The following PITPNM2 variants were observed in gnomAD, a reference collection of about 807,000 sequenced individuals.
The protein encoded by PITPNM2 is membrane-associated phosphatidylinositol transfer protein 2.
In PITPNM2, 35 loss-of-function variants were observed where a neutral mutation model predicts 132.2. The ratio of observed to expected loss-of-function variants is 0.26; its 90% CI spans 0.20 to 0.35. The LOEUF is 0.35. PITPNM2 is among the 10% of genes least tolerant of loss of function. PITPNM2 has a pLI of 1.00. For synonymous variants in PITPNM2, 738 were observed against 799.2 expected, an observed-to-expected ratio of 0.92 and a Z score of 1.29; for missense variants, 1,332 against 1,912.0, an observed-to-expected ratio of 0.70 and a Z score of 5.66.
intron 11 of PITPNM2, among the ~76,000 whole-genome samples, 174 bp downstream of exon 11, chr12:122,997,151 G>A (rs767104892): frequency 1.1e-4 from 17 of 152,366 alleles, no homozygotes; most frequent in South Asian, 1.0e-3. Context: ...GGCCTCCTGG[G>A]ACTCGAGGCT....
intron 2 of PITPNM2, chr12:123,088,892 T>C (rs1481850670): frequency 6.6e-6 from 1 of 152,314 alleles, no homozygotes; most frequent in Non-Finnish European, 1.5e-5. Flanking sequence ...TGTTGCTGCC[T>C]CCAGAAATGC....
In PITPNM2 at chr12:123,117,223, G is replaced by T. The variant is rs1013223714; in HGVS notation, c.-199-6735C>A. Among the ~76,000 whole-genome samples the T allele has an allele frequency of 2.0e-5, 3 of 152,216 alleles. No individual in the cohort carries two copies. The highest frequency in any genetic ancestry group is 4.4e-5 in the Non-Finnish European group (3 of 68,032). On this transcript the variant is annotated intron_variant, in intron 1 of 25. Transcript: ENST00000320201. This position sits in a 1 kb window ranked among gnomAD's most constrained non-coding sequence, Gnocchi z 4.7. ...TCCACTCCCAATATCCCAATGGAGT[G>T]AATGCTGAAATGAAGCCGGTGCTGA...
intron 2 of PITPNM2, among the ~76,000 whole-genome samples, chr12:123,053,484 T>C (rs1190045648): frequency 6.6e-6 from 1 of 152,134 alleles, no homozygotes; most frequent in African/African-American, 2.4e-5. Context: ...TTGATAATTG[T>C]AAATTCACAT....
chr12:123,017,206 A>G (rs1011802608), intron 3 of PITPNM2, among the ~76,000 whole-genome samples: 2 of 151,730 alleles, frequency 1.3e-5, no homozygotes, highest in Admixed American at 6.6e-5. Context: ...CACCGTCTCT[A>G]CTAAAAAAAT....
At chr12:123,024,798 T>C (rs906006476) in intron 3 of PITPNM2, among the ~76,000 whole-genome samples, 2 of 152,156 alleles carry the variant, frequency 1.3e-5, no homozygotes, top group Non-Finnish European at 1.5e-5. Context: ...TTTGGGGTAA[T>C]AGAAATGTTC....
rs952671141 is a variant in PITPNM2, at chr12:122,989,794, A to G, written c.2724T>C (p.Ile908=). The G allele has an allele frequency of 7.1e-7, 1 of 1,403,034 alleles. No homozygotes were observed. The highest frequency in any genetic ancestry group is 1.5e-5 in the African/African-American group (1 of 67,032). The allele number at this position is 1,403,034 out of a possible 1,614,324, so 86.9% of individuals were successfully genotyped here. ...ERAPGLPELD[I]GEVAAKWWGQ... is the part of the protein sequence containing the mutation. ...AAGTGTGTGGGGTGGTACCTTCTCC[A>G]ATGTCCAGCTCAGGGAGGCCAGGGG... Residue 908 remains isoleucine, a synonymous_variant, in exon 18 of 26, where the codon ATT becomes ATC. Coordinates refer to ENST00000320201, the MANE Select transcript of PITPNM2 (RefSeq NM_020845.3).
At chr12:123,122,732 C>A (rs1377062084) in intron 1 of PITPNM2, among the ~76,000 whole-genome samples, 1 of 152,206 alleles carries the variant, frequency 6.6e-6, no homozygotes, top group Non-Finnish European at 1.5e-5. Context: ...GCCCCTCAGT[C>A]GTGTGCAAGC....
At chr12:123,105,104 C>T (rs886135191) in intron 2 of PITPNM2, among the ~76,000 whole-genome samples, 1 of 152,134 alleles carries the variant, frequency 6.6e-6, no homozygotes, top group African/African-American at 2.4e-5. Flanking sequence ...GCCTCAGGGC[C>T]TTTCTCCCTG....
In PITPNM2 at chr12:123,018,293, CTTTTTTTT is replaced by C. The variant is rs3085478; in HGVS notation, c.79-4259_79-4252del. Among the ~76,000 whole-genome samples, 79 of 126,312 alleles carry C rather than the reference CTTTTTTTT, an allele frequency of 6.3e-4. 1 individual carries two copies. The South Asian group carries it at 8.5e-3, about 14-fold the overall frequency. 82.9% of individuals were successfully genotyped at this position (126,312 alleles called of 152,430 possible). On this transcript the variant is annotated intron_variant, in intron 3 of 25. Coordinates refer to ENST00000320201, the MANE Select transcript of PITPNM2 (RefSeq NM_020845.3). ...TTTAATTTCTTTTCTTTTTTCTTTT[CTTTTTTTT>C]TTTTTTTTTTTGAGACAGAGTCTCA...
intron 1 of PITPNM2, among the ~76,000 whole-genome samples, chr12:123,114,893 C>T (rs549594172): frequency 1.3e-5 from 2 of 152,298 alleles, no homozygotes; most frequent in South Asian, 4.1e-4. Context: ...CTTCCTCCTC[C>T]GGAAAATGAA....
rs963632530 is a variant in PITPNM2, at chr12:123,099,349, C to T, written c.-96+11036G>A. Among the ~76,000 whole-genome samples, 11 of 152,176 alleles carry T rather than the reference C, an allele frequency of 7.2e-5. No homozygotes were observed. The highest frequency in any genetic ancestry group is 1.6e-4 in the Non-Finnish European group (11 of 68,034). On this transcript the variant is annotated intron_variant, in intron 2 of 25. Coordinates refer to ENST00000320201, the MANE Select transcript of PITPNM2 (RefSeq NM_020845.3). This position sits in a 1 kb window ranked among gnomAD's most constrained non-coding sequence, Gnocchi z 4.2. ...TCTGAATCTGCCTCCCTATGTTCCT[C>T]GGAGAACACCCAGCACAGCAAGATT... is the stretch of plus-strand genomic sequence containing the variant.
intron 2 of PITPNM2, among the ~76,000 whole-genome samples, chr12:123,080,776 T>C (rs1267681453): frequency 6.6e-6 from 1 of 152,222 alleles, no homozygotes; most frequent in Non-Finnish European, 1.5e-5. Flanking sequence ...CACCCCTCTC[T>C]GAGCTTCAGC....
At chr12:122,997,035 G>A in intron 11 of PITPNM2, 125 bp from the exon 12 acceptor site, 1 of 1,055,158 alleles carries the variant, frequency 9.5e-7, no homozygotes, top group Non-Finnish European at 1.3e-6. Flanking sequence ...CCCGGCCAGG[G>A]CCTGGATAGG....
rs767185068 is a variant in PITPNM2 at position 122,987,553 on chromosome 12, T to C, written c.3221A>G (p.His1074Arg). 8.7e-6 allele frequency: 14 copies of C among 1,613,696 alleles called. No homozygotes were observed. In the African/African-American group the frequency reaches 1.9e-4, roughly 22 times the overall value. ...AGGGTAGACACCCACGCCCAGGCGG[T>C]GCGACTCAGGGATGGTGTAGGAGAC... ...GRVSYTIPES[H>R]RLGVGVYPIK... is the part of the protein sequence containing the mutation. Residue 1074 changes from histidine to arginine, a missense_variant, in exon 22 of 26, where the codon CAC becomes CGC. Physicochemically the swap from His to Arg is conservative, Grantham distance 29. Transcript: ENST00000320201.
At chr12:123,046,425 C>A (rs1383723936) in intron 2 of PITPNM2, among the ~76,000 whole-genome samples, 3 of 152,186 alleles carry the variant, frequency 2.0e-5, no homozygotes, top group Non-Finnish European at 4.4e-5. Flanking sequence ...GTATTGTCCC[C>A]ACTTATTTAA....
intron 1 of PITPNM2, among the ~76,000 whole-genome samples, chr12:123,127,431 C>T (rs969992440): frequency 6.6e-6 from 1 of 152,196 alleles, no homozygotes; most frequent in Non-Finnish European, 1.5e-5. Context: ...ATGGTTTCCA[C>T]TGACGCATAG....
chr12:123,080,025 A>G (rs1201108287), intron 2 of PITPNM2, among the ~76,000 whole-genome samples: 1 of 152,198 alleles, frequency 6.6e-6, no homozygotes, highest in Non-Finnish European at 1.5e-5. Context: ...CTCATAAACT[A>G]CATGGCCTTC....
At chr12:122,988,046 G>C (rs978972385) in intron 20 of PITPNM2, 145 bp from the exon 21 acceptor site, 1 of 937,834 alleles carries the variant, frequency 1.1e-6, no homozygotes, top group South Asian at 1.5e-5. Context: ...ACACGATGAC[G>C]TGGCTTTGGA....
At chr12:123,073,451 G>A (rs1001993484) in intron 2 of PITPNM2, among the ~76,000 whole-genome samples, 8 of 152,112 alleles carry the variant, frequency 5.3e-5, no homozygotes, top group African/African-American at 1.9e-4. Flanking sequence ...GCCTACACAG[G>A]TGGTTCATCT....
Sources: gnomAD v4.1 joint callset for allele counts (sites outside exome capture counted in the v4.1 genomes callset) on GRCh38, gnomAD v4.1.1 for gene constraint, Gnocchi (gnomAD v3.1) non-coding constraint, MANE v1.5 for transcripts, NCBI Gene and HGNC (gene_info 2026-07-23, HGNC 2026-07-21) for gene names.